NRXN3: variants seen among roughly 807,000 people sequenced by gnomAD.
NRXN3 encodes the protein neurexin III.
A neutral mutation model predicts 137.6 loss-of-function variants in NRXN3; 32 were observed. The observed-to-expected ratio is 0.23, with a 90% CI of 0.18 to 0.31. The LOEUF (loss-of-function observed/expected upper bound fraction) is 0.31, where lower values mean the gene tolerates loss of function less well. Among genes scored for constraint, NRXN3 ranks in the 10% least tolerant of loss-of-function variants. NRXN3 has a pLI of 1.00. For synonymous variants in NRXN3, 798 were observed against 784.5 expected (o/e 1.02, Z -0.29); for missense variants, 1,574 against 2,062.5 (o/e 0.76, Z 4.59).
At chr14:79,180,784 G>T (rs2062837880) in intron 15 of NRXN3, among the ~76,000 whole-genome samples, 1 of 151,980 alleles carries the variant, frequency 6.6e-6, no homozygotes, top group African/African-American at 2.4e-5. Flanking sequence ...GCCATGTACG[G>T]TTTCACTTCT....
intron 4 of NRXN3, among the ~76,000 whole-genome samples, chr14:78,497,454 A>G (rs754689932): frequency 6.6e-6 from 1 of 152,146 alleles, no homozygotes; most frequent in Non-Finnish European, 1.5e-5. Context: ...GGGGAATTGT[A>G]TTGATTTATA....
intron 15 of NRXN3, among the ~76,000 whole-genome samples, chr14:79,187,731 C>G (rs1389385830): frequency 6.6e-6 from 1 of 152,154 alleles, no homozygotes; most frequent in Non-Finnish European, 1.5e-5. Flanking sequence ...TTTCTAGCAT[C>G]ACACTAGATT....
chr14:78,937,785 T>C (rs2099345075), intron 10 of NRXN3, among the ~76,000 whole-genome samples: 1 of 152,234 alleles, frequency 6.6e-6, no homozygotes, highest in African/African-American at 2.4e-5. Flanking sequence ...TTAAAACATT[T>C]CACAACTCAT....
intron 15 of NRXN3, among the ~76,000 whole-genome samples, chr14:79,076,338 G>A (rs1463887086): frequency 1.3e-5 from 2 of 152,176 alleles, no homozygotes; most frequent in African/African-American, 4.8e-5. Context: ...ATTTTTGCAG[G>A]TCAGGAATCC....
chr14:79,739,595 G>A (rs543201827), intron 19 of NRXN3, among the ~76,000 whole-genome samples: 1 of 125,688 alleles, frequency 8.0e-6, no homozygotes, highest in African/African-American at 3.0e-5. Context: ...AGTGAGCTGA[G>A]ATCATGCCAC....
chr14:78,459,668 G>A (rs531590136), intron 4 of NRXN3, among the ~76,000 whole-genome samples: 5 of 152,278 alleles, frequency 3.3e-5, no homozygotes, highest in African/African-American at 1.2e-4. Flanking sequence ...TGGTGAGATT[G>A]TGAATAGCTG....
intron 17 of NRXN3, among the ~76,000 whole-genome samples, chr14:79,691,367 G>C (rs148706054): frequency 1.9e-3 from 286 of 152,146 alleles, no homozygotes; most frequent in African/African-American, 6.5e-3. Context: ...AGGAGGGAGA[G>C]AGGAAAGGAG....
intron 8 of NRXN3, among the ~76,000 whole-genome samples, chr14:78,728,688 G>A (rs7151710): frequency 0.94 from 143,511 of 152,024 alleles, 68,127 homozygotes; most frequent in Non-Finnish European, 0.99. Context: ...ACGAGGTCAT[G>A]AGTTCGAGAC....
chr14:78,453,328 C>T (rs892318505), intron 4 of NRXN3, among the ~76,000 whole-genome samples: 2 of 152,188 alleles, frequency 1.3e-5, no homozygotes, highest in Non-Finnish European at 2.9e-5. Flanking sequence ...TAGGACCATG[C>T]GGCCAACTAA....
chr14:79,523,719 G>A (rs1477113676), intron 16 of NRXN3, among the ~76,000 whole-genome samples: 1 of 152,220 alleles, frequency 6.6e-6, no homozygotes, highest in East Asian at 1.9e-4. Context: ...GGTAATGAAG[G>A]CTCAAGGCGG....
chr14:79,262,998 A>C (rs1254861980), intron 15 of NRXN3, among the ~76,000 whole-genome samples: 1 of 152,150 alleles, frequency 6.6e-6, no homozygotes, highest in African/African-American at 2.4e-5. Context: ...GGGTGTGTGC[A>C]TGCATGCTGT....
At chr14:79,568,119 C>T (rs924293371) in intron 16 of NRXN3, among the ~76,000 whole-genome samples, 1 of 152,102 alleles carries the variant, frequency 6.6e-6, no homozygotes, top group African/African-American at 2.4e-5. Flanking sequence ...ACCGCAAATA[C>T]AGGGCTAGAT....
intron 4 of NRXN3, among the ~76,000 whole-genome samples, chr14:78,514,569 A>C (rs560465709): frequency 2.0e-4 from 30 of 152,320 alleles, no homozygotes; most frequent in African/African-American, 6.7e-4. Flanking sequence ...GAGTTCAACA[A>C]ATTCAATTTA....
chr14:78,534,532 A>T (rs113783439), intron 4 of NRXN3, among the ~76,000 whole-genome samples: 5,637 of 152,356 alleles, frequency 0.037, 145 homozygotes, highest in Non-Finnish European at 0.058. Flanking sequence ...AGAAAAGGTG[A>T]TGCAGAGCAG....
chr14:79,200,382 A>G (rs776263365), intron 15 of NRXN3, among the ~76,000 whole-genome samples: 1 of 152,174 alleles, frequency 6.6e-6, no homozygotes, highest in Non-Finnish European at 1.5e-5. Context: ...CGGGGAAGCA[A>G]GGAAACACTG....
At chr14:78,451,534 G>C (rs1260580964) in intron 4 of NRXN3, among the ~76,000 whole-genome samples, 2 of 152,200 alleles carry the variant, frequency 1.3e-5, no homozygotes, top group Admixed American at 1.3e-4. Flanking sequence ...CTAATCCAAA[G>C]TTGTGAAACA....
intron 15 of NRXN3, among the ~76,000 whole-genome samples, chr14:79,009,130 C>T (rs1400761700): frequency 1.3e-5 from 2 of 152,122 alleles, no homozygotes; most frequent in Non-Finnish European, 2.9e-5. Flanking sequence ...ATGTTTTAAA[C>T]ACCTATTGAG....
intron 18 of NRXN3, 132 bp from the exon 19 acceptor site, chr14:79,697,498 T>G: frequency 1.2e-6 from 1 of 836,624 alleles, no homozygotes; most frequent in Non-Finnish European, 1.8e-6. Flanking sequence ...GTACTGAGGT[T>G]TTGTTGTCTA....
At chr14:79,654,849 G>A (rs2098497785) in intron 16 of NRXN3, among the ~76,000 whole-genome samples, 1 of 152,106 alleles carries the variant, frequency 6.6e-6, no homozygotes, top group African/African-American at 2.4e-5. Flanking sequence ...TATTCATGTA[G>A]GTCCATTTAC....
Sources: gnomAD v4.1 joint callset for allele counts (sites outside exome capture counted in the v4.1 genomes callset) on GRCh38, gnomAD v4.1.1 for gene constraint, MANE v1.5 for transcripts, NCBI Gene and HGNC (gene_info 2026-07-23, HGNC 2026-07-21) for gene names.